The following CTDSP1 variants were observed in gnomAD, a reference collection of about 807,000 sequenced individuals.
The protein encoded by CTDSP1 is CTD small phosphatase 1, also known as carboxy-terminal domain RNA polymerase II polypeptide A small phosphatase 1.
A neutral mutation model predicts 32.5 loss-of-function variants in CTDSP1; 15 were observed. That is an observed-to-expected ratio of 0.46 (90% confidence interval 0.31 to 0.71). The LOEUF (loss-of-function observed/expected upper bound fraction) is 0.71. Ranked by LOEUF, CTDSP1 falls within the 30% of genes least tolerant of loss-of-function variation. CTDSP1 has a pLI of 0.05. For synonymous variants in CTDSP1, 185 were observed against 145.4 expected, an observed-to-expected ratio of 1.27 and a Z score of -1.96; for missense variants, 294 against 351.1, an observed-to-expected ratio of 0.84 and a Z score of 1.30.
Position 218,399,990 on chromosome 2 carries a change from C to A in CTDSP1, c.-101C>A. The A allele has an allele frequency of 8.5e-7, 1 of 1,173,764 alleles. No individual in the cohort carries two copies. The highest frequency in any genetic ancestry group is 1.1e-6 in the Non-Finnish European group (1 of 918,850). The allele number at this position is 1,173,764 out of a possible 1,614,324, so 72.7% of individuals were successfully genotyped here. ...CGGAGCTCGCGGGGATCCCTCCCTC[C>A]CACCCCTCCCCTCCCCCCCGCGCCC... On this transcript the variant is annotated 5_prime_UTR_variant, in exon 1 of 7. Coordinates refer to ENST00000273062, the MANE Select transcript of CTDSP1 (RefSeq NM_021198.3).
chr2:218,399,586 G>A (rs1696992308), upstream of CTDSP1: 2 of 300,408 alleles, frequency 6.7e-6, no homozygotes, highest in Non-Finnish European at 9.8e-6. Context: ...CGGCGTGGGC[G>A]CTCCCGGCGG....
chr2:218,397,889 T>C (rs541298231), upstream of CTDSP1, among the ~76,000 whole-genome samples: 4 of 151,766 alleles, frequency 2.6e-5, no homozygotes, highest in East Asian at 7.8e-4. Flanking sequence ...GGAGGAGGAG[T>C]TAGGTCTCCC....
intron 1 of CTDSP1, 83 bp downstream of exon 1, chr2:218,400,240 C>CGCCGCCCCGGGCG (rs1559134521): frequency 7.6e-7 from 1 of 1,317,870 alleles, no homozygotes; most frequent in East Asian, 2.6e-5. Context: ...GGGGAGCCGC[C>CGCCGCCCCGGGCG]GCCGCCGCCC....
upstream of CTDSP1, chr2:218,398,746 G>A (rs904261468): frequency 1.4e-5 from 4 of 291,480 alleles, no homozygotes; most frequent in East Asian, 1.7e-4. Flanking sequence ...GTGTTTGTCG[G>A]GCTTGGCATT....
Position 218,402,170 on chromosome 2 carries a change from C to T in CTDSP1, c.276C>T (p.Cys92=), listed in dbSNP as rs937519476. 5 of 1,613,774 alleles carry T rather than the reference C, an allele frequency of 3.1e-6. No individual in the cohort carries two copies. Among genetic ancestry groups the T allele is most frequent in the Admixed American group, 1.7e-5 (1 of 60,024 alleles). ...EAKAQDSDKI[C]VVIDLDETLV... is the part of the protein sequence containing the mutation. ...AGGCCCAGGACTCAGACAAGATCTG[C>T]GTGGTCATCGACCTGGACGAGACCC... is the stretch of plus-strand genomic sequence containing the variant. The change falls in exon 3 of 7, where the codon TGC becomes TGT. Residue 92 remains cysteine, a synonymous_variant. Coordinates refer to ENST00000273062, the MANE Select transcript of CTDSP1 (RefSeq NM_021198.3).
chr2:218,402,303 C>T, intron 3 of CTDSP1, 46 bp from the exon 4 acceptor site: 1 of 1,612,828 alleles, frequency 6.2e-7, no homozygotes, highest in Non-Finnish European at 8.5e-7. Flanking sequence ...GGACCCCATG[C>T]CCTGGGGCTC....
At position 218,402,338 on chromosome 2, in the gene CTDSP1, T is replaced by TC. The variant is rs750118204; in HGVS notation, c.322-5dup. The TC allele has an allele frequency of 9.3e-6, 15 of 1,613,438 alleles. No individual in the cohort carries two copies. Among genetic ancestry groups the TC allele is most frequent in the Non-Finnish European group, 1.2e-5 (14 of 1,179,890 alleles). On this transcript the variant is annotated splice_polypyrimidine_tract_variant and intron_variant, in intron 3 of 6. Transcript: ENST00000273062. ...CCTCCTCCAACTCCAGCAGCTCTTT[T>TC]CCCCCCACAGCCAGTGAACAACGCG... is the stretch of plus-strand genomic sequence containing the variant.
chr2:218,402,923 G>A, intron 4 of CTDSP1, 112 bp from the exon 5 acceptor site: 1 of 776,042 alleles, frequency 1.3e-6, no homozygotes, highest in Non-Finnish European at 2.2e-6. Context: ...GAGCCTGCGG[G>A]CCCAGTCTCC....
intron 1 of CTDSP1, 183 bp downstream of exon 1, chr2:218,400,340 G>C (rs1697053318): frequency 1.4e-6 from 1 of 709,148 alleles, no homozygotes; most frequent in Non-Finnish European, 2.5e-6. Flanking sequence ...GAGACGCGGG[G>C]CGGGGCCTGG....
chr2:218,396,369 C>A (rs1696767304), upstream of CTDSP1: 1 of 152,504 alleles, frequency 6.6e-6, no homozygotes, highest in Non-Finnish European at 1.5e-5. Flanking sequence ...GTCCCTCAGA[C>A]CCCAGCCCAG....
rs1380747633 is a variant in CTDSP1 at position 218,404,872 on chromosome 2, C to G, written c.*447C>G. 6.4e-6 allele frequency: 1 copy of G among 157,264 alleles called. No homozygotes were observed. The highest frequency in any genetic ancestry group is 2.4e-5 in the African/African-American group (1 of 41,568). The allele number at this position is 157,264 out of a possible 1,614,324, so 9.7% of individuals were successfully genotyped here. Reference sequence around the variant, plus strand: ...CCGCCCAGCTTTCCCAGGGGCACAGCTCTAGGCTGGGAGGGGAGAACCAGC... The same window carrying G: ...CCGCCCAGCTTTCCCAGGGGCACAGGTCTAGGCTGGGAGGGGAGAACCAGC... On this transcript the variant is annotated 3_prime_UTR_variant, in exon 7 of 7. Coordinates refer to ENST00000273062, the MANE Select transcript of CTDSP1 (RefSeq NM_021198.3).
rs549174201 is a variant in CTDSP1 at position 218,400,034 on chromosome 2, G to C, written c.-57G>C. Reference sequence around the variant, plus strand: ...CGCGCCCCGATTCCGGCCCCAGCCGGGGGGGAGGCCGGGCGCCCGGGCCAG... The same window carrying C: ...CGCGCCCCGATTCCGGCCCCAGCCGCGGGGGAGGCCGGGCGCCCGGGCCAG... On this transcript the variant is annotated 5_prime_UTR_variant, in exon 1 of 7. Transcript: ENST00000273062. The C allele has an allele frequency of 8.7e-5, 114 of 1,314,792 alleles. No homozygotes were observed. Among genetic ancestry groups the C allele is most frequent in the Non-Finnish European group, 9.8e-5 (100 of 1,025,392 alleles). The allele number at this position is 1,314,792 out of a possible 1,614,324, so 81.4% of individuals were successfully genotyped here.
chr2:218,401,415 T>C, intron 1 of CTDSP1, 149 bp from the exon 2 acceptor site: 2 of 839,844 alleles, frequency 2.4e-6, no homozygotes, highest in Non-Finnish European at 3.7e-6. Flanking sequence ...ACAGGGGCGT[T>C]TCAGAGAAAG....
chr2:218,404,662 G>C lies in CTDSP1; in HGVS notation c.*237G>C. 2.1e-6 allele frequency: 1 copy of C among 470,976 alleles called. No individual in the cohort carries two copies. Among genetic ancestry groups the C allele is most frequent in the South Asian group, 3.7e-5 (1 of 27,292 alleles). 29.2% of individuals were successfully genotyped at this position (470,976 alleles called of 1,614,324 possible). ...TTCAAACCTCCTCCCCTATTCTCAG[G>C]GGACCTGGGGGGCCCTGCCTGCTGC... is the stretch of plus-strand genomic sequence containing the variant. On this transcript the variant is annotated 3_prime_UTR_variant, in exon 7 of 7. Coordinates refer to ENST00000273062, the MANE Select transcript of CTDSP1 (RefSeq NM_021198.3).
intron 1 of CTDSP1, chr2:218,401,298 A>G: frequency 1.9e-6 from 1 of 539,076 alleles, no homozygotes; most frequent in Admixed American, 3.3e-5. Context: ...AGAGCACCCC[A>G]GGACCTCCTT....
rs1191684831 is a variant in CTDSP1 at position 218,400,002 on chromosome 2, T to TC, written c.-82dup. The TC allele has an allele frequency of 1.0e-4, 17 of 168,712 alleles. No individual in the cohort carries two copies. Among genetic ancestry groups the TC allele is most frequent in the African/African-American group, 2.6e-4 (3 of 11,570 alleles). 10.5% of individuals were successfully genotyped at this position (168,712 alleles called of 1,614,324 possible). A position where few individuals can be genotyped will look rare whatever the true frequency, so the allele number is the denominator to read the frequency against. On this transcript the variant is annotated 5_prime_UTR_variant, in exon 1 of 7. Coordinates refer to ENST00000273062, the MANE Select transcript of CTDSP1 (RefSeq NM_021198.3). ...GGATCCCTCCCTCCCACCCCTCCCC[T>TC]CCCCCCCGCGCCCCGATTCCGGCCC...
rs916582308 is a variant in CTDSP1, at chr2:218,405,690, C to G, written c.*1265C>G. On this transcript the variant is annotated 3_prime_UTR_variant, in exon 7 of 7. Transcript: ENST00000273062. ...TCCTGCCTTCCAACTGTTTCTGAAG[C>G]CCCTCCTCCTAACATGGCGATTCCG... 6.5e-6 allele frequency: 1 copy of G among 153,088 alleles called. No homozygotes were observed. Among genetic ancestry groups the G allele is most frequent in the African/African-American group, 2.4e-5 (1 of 41,476 alleles). 9.5% of individuals were successfully genotyped at this position (153,088 alleles called of 1,614,324 possible).
chr2:218,398,331 G>T, upstream of CTDSP1: 3 of 1,278,376 alleles, frequency 2.3e-6, no homozygotes, highest in Non-Finnish European at 3.3e-6. Flanking sequence ...CCGTTCTAAG[G>T]GGTAAATGAG....
chr2:218,399,790 C>T (rs1016442364), upstream of CTDSP1: 52 of 1,097,900 alleles, frequency 4.7e-5, no homozygotes, highest in Middle Eastern at 3.9e-4. Flanking sequence ...TGGCGAAAGC[C>T]GCAGCCGAGT....
Sources: allele counts gnomAD v4.1 joint callset (sites outside exome capture counted in the v4.1 genomes callset), GRCh38; gene constraint gnomAD v4.1.1; transcripts MANE v1.5; gene names NCBI Gene and HGNC (gene_info 2026-07-23, HGNC 2026-07-21).